The following CWC15 variants were observed in gnomAD, a reference collection of about 807,000 sequenced individuals.
The protein encoded by CWC15 is spliceosome-associated protein CWC15 homolog.
In CWC15, 12 loss-of-function variants were observed where a neutral mutation model predicts 28.4. That is an observed-to-expected ratio of 0.42 (90% CI 0.27 to 0.69). The LOEUF (loss-of-function observed/expected upper bound fraction) is 0.69. Ranked by LOEUF, CWC15 falls within the 30% of genes least tolerant of loss-of-function variation. The probability of loss-of-function intolerance (pLI) is 0.23; values close to 1 mark genes in which losing one functional copy is unlikely to be tolerated. For synonymous variants in CWC15, 92 were observed against 88.4 expected, an observed-to-expected ratio of 1.04 and a Z score of -0.23; for missense variants, 192 against 271.5, an observed-to-expected ratio of 0.71 and a Z score of 2.06.
intron 5 of CWC15, among the ~76,000 whole-genome samples, chr11:94,967,369 A>T (rs782339660): frequency 2.0e-5 from 3 of 152,126 alleles, no homozygotes; most frequent in Non-Finnish European, 2.9e-5. Flanking sequence ...CAGTTACAAC[A>T]CTGTCTTTCT....
chr11:94,967,256 G>C (rs1402466543), intron 5 of CWC15, among the ~76,000 whole-genome samples: 1 of 152,094 alleles, frequency 6.6e-6, no homozygotes, highest in Non-Finnish European at 1.5e-5. Flanking sequence ...TCGAACTCCT[G>C]ACCTCGTGAT....
At chr11:94,965,944 G>A (rs1220522271) in intron 6 of CWC15, among the ~76,000 whole-genome samples, 2 of 152,140 alleles carry the variant, frequency 1.3e-5, no homozygotes, top group Admixed American at 1.3e-4. Flanking sequence ...GTGTCTGAAT[G>A]TGAGAGGCCA....
Position 94,973,002 on chromosome 11 carries a change from G to C in CWC15, c.-9+496C>G, listed in dbSNP as rs587766182. Among the ~76,000 whole-genome samples, 7 of 129,306 alleles carry C rather than the reference G, an allele frequency of 5.4e-5. No homozygotes were observed. The South Asian group carries it at 1.9e-3, about 36-fold the overall frequency. The allele number at this position is 129,306 out of a possible 152,430, so 84.8% of individuals were successfully genotyped here. On this transcript the variant is annotated intron_variant, in intron 1 of 6. Coordinates refer to ENST00000279839, the MANE Select transcript of CWC15 (RefSeq NM_016403.4). ...AGTCACTAAAACCCTGTTAGTGTCG[G>C]AAAAGCAAGTGTGTGGGGAGGGTGG...
intron 6 of CWC15, 69 bp downstream of exon 6, chr11:94,966,220 CACATAT>C: frequency 2.6e-6 from 2 of 761,978 alleles, no homozygotes; most frequent in East Asian, 2.9e-5. Context: ...TATACACATA[CACATAT>C]ACACACACAC....
At chr11:94,969,112 C>G (rs1455762852) in intron 5 of CWC15, among the ~76,000 whole-genome samples, 1 of 152,186 alleles carries the variant, frequency 6.6e-6, no homozygotes, top group East Asian at 1.9e-4. Context: ...ATCAATCAGT[C>G]ACTATCTGTC....
At chr11:94,973,047 T>TGG (rs149342141) in intron 1 of CWC15, among the ~76,000 whole-genome samples, 17,347 of 102,010 alleles carry the variant, frequency 0.17, 1,359 homozygotes, top group East Asian at 0.5. Context: ...GAGGATTTTT[T>TGG]GGGGGGGGGG....
chr11:94,970,708 C>A, intron 4 of CWC15: 2 of 435,132 alleles, frequency 4.6e-6, no homozygotes, highest in Non-Finnish European at 8.5e-6. Context: ...TAGTTTAGTA[C>A]AGGACATTAT....
chr11:94,963,596 C>A, intron 6 of CWC15, 82 bp from the exon 7 acceptor site: 1 of 1,187,556 alleles, frequency 8.4e-7, no homozygotes, highest in South Asian at 2.0e-5. Flanking sequence ...AAGGCTTAGT[C>A]AGTTACACAG....
rs587774100 is a variant in CWC15 at position 94,971,547 on chromosome 11, G to C, written c.132-60C>G. 5.2e-4 allele frequency: 300 copies of C among 577,444 alleles called. 1 individual carries two copies. The highest frequency in any genetic ancestry group is 2.6e-3 in the African/African-American group (125 of 48,754). The allele number at this position is 577,444 out of a possible 1,614,324, so 35.8% of individuals were successfully genotyped here. On this transcript the variant is annotated intron_variant, in intron 2 of 6. Coordinates refer to ENST00000279839, the MANE Select transcript of CWC15 (RefSeq NM_016403.4). ...TTAAACACACACACACACACACACA[G>C]AGACTGTAGTAATGGAAGACAATTC...
At chr11:94,969,866 C>A (rs1335705531) in intron 5 of CWC15, 123 bp downstream of exon 5, 56 of 488,398 alleles carry the variant, frequency 1.1e-4, no homozygotes, top group Non-Finnish European at 1.7e-4. Flanking sequence ...TCTACAAGTG[C>A]TATAATATTT....
At position 94,963,530 on chromosome 11, in the gene CWC15, C is replaced by G; in HGVS notation, c.561-16G>C. 6.5e-7 allele frequency: 1 copy of G among 1,549,630 alleles called. No homozygotes were observed. The highest frequency in any genetic ancestry group is 8.7e-7 in the Non-Finnish European group (1 of 1,147,478). On this transcript the variant is annotated splice_polypyrimidine_tract_variant and intron_variant, in intron 6 of 6. Transcript: ENST00000279839. ...ATCATCCCACCTGAGGAAAAAAAAGCAAACAGAACGTCTGAAAATGTTTGT... is the reference window on the plus strand; with the variant it reads ...ATCATCCCACCTGAGGAAAAAAAAGGAAACAGAACGTCTGAAAATGTTTGT...
chr11:94,968,957 C>G (rs1160400551), intron 5 of CWC15, among the ~76,000 whole-genome samples: 6 of 152,218 alleles, frequency 3.9e-5, no homozygotes, highest in South Asian at 2.1e-4. Flanking sequence ...ACCTGAATGT[C>G]TCACAATGTG....
At chr11:94,963,617 A>C in intron 6 of CWC15, 103 bp from the exon 7 acceptor site, 22 of 873,878 alleles carry the variant, frequency 2.5e-5, no homozygotes, top group Non-Finnish European at 3.4e-5. Context: ...AAAGATGCTC[A>C]ACATGTGTAT....
chr11:94,972,294 A>T (rs1857733063), intron 1 of CWC15, 101 bp from the exon 2 acceptor site: 1 of 1,162,868 alleles, frequency 8.6e-7, no homozygotes, highest in African/African-American at 1.5e-5. Flanking sequence ...TCTAAAACTC[A>T]TTCCCCAAAA....
rs1857649524 is a variant in CWC15 at position 94,966,662 on chromosome 11, C to T, written c.442-249G>A. Among the ~76,000 whole-genome samples the T allele has an allele frequency of 2.0e-5, 3 of 149,282 alleles. No homozygotes were observed. The South Asian group carries it at 6.3e-4, about 31-fold the overall frequency. ...TGGTTGATATCATACAGTAATTAGT[C>T]TCTTCCAACTGTGAAATGCTACAGA... On this transcript the variant is annotated intron_variant, in intron 5 of 6. Coordinates refer to ENST00000279839, the MANE Select transcript of CWC15 (RefSeq NM_016403.4).
At chr11:94,969,698 C>T (rs1857692133) in intron 5 of CWC15, among the ~76,000 whole-genome samples, 2 of 152,120 alleles carry the variant, frequency 1.3e-5, no homozygotes. Context: ...TTTGATTCTC[C>T]TGTCAATTAA....
At chr11:94,964,101 T>C (rs1357443262) in intron 6 of CWC15, among the ~76,000 whole-genome samples, 2 of 152,032 alleles carry the variant, frequency 1.3e-5, no homozygotes, top group Non-Finnish European at 2.9e-5. Context: ...AGAACTCTGG[T>C]TGGATTCCAT....
chr11:94,965,037 T>C (rs1344797746), intron 6 of CWC15, among the ~76,000 whole-genome samples: 8 of 152,240 alleles, frequency 5.3e-5, no homozygotes, highest in Non-Finnish European at 1.0e-4. Flanking sequence ...CAGTACTGCA[T>C]CACTCCAGAG....
chr11:94,968,786 C>G (rs587718842), intron 5 of CWC15, among the ~76,000 whole-genome samples: 85 of 152,344 alleles, frequency 5.6e-4, no homozygotes, highest in African/African-American at 2.0e-3. Context: ...CCTCCTGATT[C>G]ACATGAAGTC....
Sources: allele counts gnomAD v4.1 joint callset (sites outside exome capture counted in the v4.1 genomes callset), GRCh38; gene constraint gnomAD v4.1.1; transcripts MANE v1.5; gene names NCBI Gene and HGNC (gene_info 2026-07-23, HGNC 2026-07-21).